PKHD1: variants seen among roughly 807,000 people sequenced by gnomAD.
PKHD1 encodes PKHD1 ciliary IPT domain containing fibrocystin/polyductin.
Under a neutral mutation model 412.0 loss-of-function variants are expected in PKHD1, and 291 were observed. The ratio of observed to expected loss-of-function variants is 0.71; its 90% CI spans 0.64 to 0.78. The LOEUF (loss-of-function observed/expected upper bound fraction) is 0.78, where lower values mean the gene tolerates loss of function less well. Among genes scored for constraint, PKHD1 ranks in the 30% least tolerant of loss-of-function variants. The probability of loss-of-function intolerance (pLI) is 0.00; values close to 1 mark genes in which losing one functional copy is unlikely to be tolerated. For missense variants in PKHD1, 4,825 were observed against 4,950.7 expected, an observed-to-expected ratio of 0.97 and a Z score of 0.76; for synonymous variants, 1,777 against 1,821.5, an observed-to-expected ratio of 0.98 and a Z score of 0.62.
intron 60 of PKHD1, among the ~76,000 whole-genome samples, chr6:51,662,218 A>G (rs1772976543): frequency 6.6e-6 from 1 of 151,982 alleles, no homozygotes; most frequent in African/African-American, 2.4e-5. Context: ...AATGTCCTAT[A>G]TGGTACTACC....
At chr6:51,925,437 T>TTGTG (rs1388346321) in intron 37 of PKHD1, among the ~76,000 whole-genome samples, 1 of 92,100 alleles carries the variant, frequency 1.1e-5, no homozygotes, top group Non-Finnish European at 2.2e-5. Flanking sequence ...AAATTGTTCT[T>TTGTG]CGTGTGTGTG....
At chr6:52,048,864 G>C (rs1015569492) in intron 22 of PKHD1, among the ~76,000 whole-genome samples, 1 of 152,146 alleles carries the variant, frequency 6.6e-6, no homozygotes, top group Non-Finnish European at 1.5e-5. Context: ...GATATGGTGG[G>C]CTTCCTCTCT....
At chr6:51,921,317 C>T (rs1784666440) in intron 37 of PKHD1, among the ~76,000 whole-genome samples, 1 of 152,132 alleles carries the variant, frequency 6.6e-6, no homozygotes, top group Admixed American at 6.5e-5. Context: ...GATGGGCTTC[C>T]CTTTGTGGGT....
At position 51,731,386 on chromosome 6, in the gene PKHD1, CAG is replaced by C. The variant is rs1783217637; in HGVS notation, c.10156+12997_10156+12998del. ...ACTGCTTTTCAAACATACAATAAAACAGAGAAATGTGAATAGATTTCTCATAA... is the reference window on the plus strand; with the variant it reads ...ACTGCTTTTCAAACATACAATAAAACAGAAATGTGAATAGATTTCTCATAA... On this transcript the variant is annotated intron_variant, in intron 60 of 66. Coordinates refer to ENST00000371117, the MANE Select transcript of PKHD1 (RefSeq NM_138694.4). Among the ~76,000 whole-genome samples, 2 of 152,050 alleles carry C rather than the reference CAG, an allele frequency of 1.3e-5. 1 individual carries two copies. The highest frequency in any genetic ancestry group is 4.1e-4 in the South Asian group (2 of 4,824).
rs549548712 is a variant in PKHD1, at chr6:52,024,797, G to A, written c.5013C>T (p.Thr1671=). ...CTCCTGAGATCTGGGCCACTGCAAA[G>A]GTTAAGATGTCATCGCTCTGAGAAA... The part of the protein sequence containing the change: ...ISISQSDDIL[T]FAVAQISGAA... The change falls in exon 32 of 67, where the codon ACC becomes ACT. Residue 1671 remains threonine (T), a synonymous_variant. Coordinates refer to ENST00000371117, the MANE Select transcript of PKHD1 (RefSeq NM_138694.4). 5 of 1,614,186 alleles carry A rather than the reference G, an allele frequency of 3.1e-6. No homozygotes were observed. The South Asian group carries it at 3.3e-5, about 11-fold the overall frequency.
chr6:52,010,217 C>A (rs1314828379), intron 35 of PKHD1, 92 bp downstream of exon 35: 2 of 1,075,724 alleles, frequency 1.9e-6, no homozygotes, highest in Non-Finnish European at 2.8e-6. Flanking sequence ...TATATCGCTG[C>A]CATTTGGACT....
At chr6:51,970,698 G>A (rs192209070) in intron 35 of PKHD1, among the ~76,000 whole-genome samples, 10 of 152,186 alleles carry the variant, frequency 6.6e-5, no homozygotes, top group Middle Eastern at 3.4e-3. Context: ...CACACTTATC[G>A]AGTAGGGTGA....
chr6:52,050,425 G>T, intron 21 of PKHD1, 130 bp from the exon 22 acceptor site: 2 of 935,032 alleles, frequency 2.1e-6, no homozygotes, highest in Non-Finnish European at 3.5e-6. Context: ...CTACTTATCT[G>T]CTGCCATAAA....
chr6:51,793,740 C>T (rs1216592298), intron 52 of PKHD1, among the ~76,000 whole-genome samples: 2 of 152,166 alleles, frequency 1.3e-5, no homozygotes, highest in East Asian at 3.9e-4. Context: ...TCCATTGTAT[C>T]TATGTACCAC....
intron 46 of PKHD1, among the ~76,000 whole-genome samples, chr6:51,880,917 G>A (rs1204916593): frequency 6.8e-6 from 1 of 147,884 alleles, no homozygotes; most frequent in Non-Finnish European, 1.5e-5. Flanking sequence ...AGTGAGCCAA[G>A]ATCGCGCCAC....
intron 65 of PKHD1, among the ~76,000 whole-genome samples, chr6:51,631,204 T>C (rs532859870): frequency 2.0e-5 from 3 of 152,148 alleles, no homozygotes; most frequent in African/African-American, 4.8e-5. Flanking sequence ...TAAAAATTTA[T>C]GAAAATTCTA....
At chr6:51,821,883 C>T (rs1730608586) in intron 52 of PKHD1, among the ~76,000 whole-genome samples, 1 of 152,146 alleles carries the variant, frequency 6.6e-6, no homozygotes, top group South Asian at 2.1e-4. Flanking sequence ...GACAGGGTTT[C>T]ACCATGTTGG....
intron 60 of PKHD1, among the ~76,000 whole-genome samples, chr6:51,668,438 A>C (rs1372196118): frequency 6.6e-6 from 1 of 152,098 alleles, no homozygotes; most frequent in Non-Finnish European, 1.5e-5. Context: ...GCTTAAGGAG[A>C]TTTTGGGCTA....
intron 40 of PKHD1, among the ~76,000 whole-genome samples, chr6:51,908,785 C>T (rs542284874): frequency 1.4e-4 from 21 of 152,186 alleles, no homozygotes; most frequent in African/African-American, 4.8e-4. Flanking sequence ...GGTTTCAGCC[C>T]ATTCCCCCTC....
chr6:51,785,107 A>T (rs9357709), intron 53 of PKHD1, among the ~76,000 whole-genome samples: 81 of 152,088 alleles, frequency 5.3e-4, no homozygotes, highest in African/African-American at 1.8e-3. Flanking sequence ...TATTCAAATG[A>T]CAGAAAGAAT....
At chr6:51,639,153 T>C (rs1581784269) in intron 63 of PKHD1, among the ~76,000 whole-genome samples, 197 bp from the exon 64 acceptor site, 2 of 152,174 alleles carry the variant, frequency 1.3e-5, no homozygotes, top group East Asian at 1.9e-4. Context: ...TTAACATATA[T>C]TGAAAGTTCC....
intron 37 of PKHD1, among the ~76,000 whole-genome samples, chr6:51,915,769 G>A (rs1783693654): frequency 6.6e-6 from 1 of 151,966 alleles, no homozygotes; most frequent in Non-Finnish European, 1.5e-5. Context: ...CCTAAATGGA[G>A]AACAATGACC....
chr6:52,052,008 G>A (rs918384924), intron 21 of PKHD1, among the ~76,000 whole-genome samples: 2 of 152,202 alleles, frequency 1.3e-5, no homozygotes, highest in Non-Finnish European at 2.9e-5. Context: ...GAGAATCAAA[G>A]ATGATGTAAT....
At position 51,899,174 on chromosome 6, in the gene PKHD1, G is replaced by T. The variant is rs567730779; in HGVS notation, c.6996+4423C>A. Among the ~76,000 whole-genome samples, 373 of 152,280 alleles carry T rather than the reference G, an allele frequency of 2.4e-3. 3 individuals carry two copies. The highest frequency in any genetic ancestry group is 8.0e-3 in the African/African-American group (334 of 41,542). ...CTCCCTAACTCAATTTATGAGGCCA[G>T]CATCATTCTGATACCTAAGCCGGGC... On this transcript the variant is annotated intron_variant, in intron 43 of 66. Transcript: ENST00000371117.
Sources: allele counts gnomAD v4.1 joint callset (sites outside exome capture counted in the v4.1 genomes callset), GRCh38; gene constraint gnomAD v4.1.1; transcripts MANE v1.5; gene names NCBI Gene and HGNC (gene_info 2026-07-23, HGNC 2026-07-21).